The following ARHGAP42 variants were observed in gnomAD, a reference collection of about 807,000 sequenced individuals.
ARHGAP42 encodes rho GTPase-activating protein 42.
Under a neutral mutation model 125.0 loss-of-function variants are expected in ARHGAP42, and 63 were observed. The observed-to-expected ratio is 0.50, with a 90% CI of 0.41 to 0.62. The LOEUF is 0.62. Among genes scored for constraint, ARHGAP42 ranks in the 20% least tolerant of loss-of-function variants. ARHGAP42 has a pLI of 0.00. For synonymous variants in ARHGAP42, 339 were observed against 351.0 expected, an observed-to-expected ratio of 0.97 and a Z score of 0.38; for missense variants, 766 against 1,024.2, an observed-to-expected ratio of 0.75 and a Z score of 3.44.
At chr11:100,948,326 C>T in intron 10 of ARHGAP42, 131 bp from the exon 11 acceptor site, 28 of 653,520 alleles carry the variant, frequency 4.3e-5, no homozygotes, top group South Asian at 2.1e-4. Flanking sequence ...AGAAAAATTC[C>T]TATGTTTTTC....
chr11:100,845,710 G>A (rs1359871193), intron 3 of ARHGAP42, among the ~76,000 whole-genome samples: 1 of 152,124 alleles, frequency 6.6e-6, no homozygotes, highest in Admixed American at 6.6e-5. Context: ...CCACTTCACA[G>A]CATTACATAG....
chr11:100,740,292 T>A (rs1008336573), intron 1 of ARHGAP42, among the ~76,000 whole-genome samples: 7 of 152,128 alleles, frequency 4.6e-5, no homozygotes, highest in African/African-American at 1.7e-4. Flanking sequence ...ACCCTCAGTT[T>A]TTTTTCCTTT....
At chr11:100,724,528 G>T (rs540466220) in intron 1 of ARHGAP42, among the ~76,000 whole-genome samples, 1 of 151,944 alleles carries the variant, frequency 6.6e-6, no homozygotes, top group Non-Finnish European at 1.5e-5. Flanking sequence ...CTACTTGGGT[G>T]AATTTTGAAA....
At chr11:100,763,261 G>A (rs1304893575) in intron 1 of ARHGAP42, among the ~76,000 whole-genome samples, 1 of 151,960 alleles carries the variant, frequency 6.6e-6, no homozygotes, top group Non-Finnish European at 1.5e-5. Flanking sequence ...GATTATGGAC[G>A]TGAGCCACTA....
intron 3 of ARHGAP42, among the ~76,000 whole-genome samples, chr11:100,800,443 G>A (rs1342809450): frequency 6.6e-6 from 1 of 152,142 alleles, no homozygotes; most frequent in Admixed American, 6.5e-5. Context: ...CTGGGAGACA[G>A]GCCTTAGGAA....
intron 3 of ARHGAP42, among the ~76,000 whole-genome samples, chr11:100,813,014 A>T (rs1170110035): frequency 1.3e-5 from 2 of 152,242 alleles, no homozygotes; most frequent in African/African-American, 2.4e-5. Flanking sequence ...TACTTAAAAG[A>T]CAATGATAAT....
intron 4 of ARHGAP42, among the ~76,000 whole-genome samples, chr11:100,866,871 G>A (rs905494907): frequency 6.6e-6 from 1 of 152,146 alleles, no homozygotes; most frequent in Non-Finnish European, 1.5e-5. Context: ...AGACTTGAAA[G>A]TCAAAATTAC....
chr11:100,889,150 G>T (rs566153988), intron 4 of ARHGAP42, among the ~76,000 whole-genome samples: 2 of 152,290 alleles, frequency 1.3e-5, no homozygotes, highest in South Asian at 4.1e-4. Flanking sequence ...TCACTAAAGT[G>T]ATTGTGCTGG....
chr11:100,815,746 TC>T, intron 3 of ARHGAP42, among the ~76,000 whole-genome samples: 1 of 152,254 alleles, frequency 6.6e-6, no homozygotes, highest in East Asian at 1.9e-4. Context: ...GCTACCAATC[TC>T]TAGAACTTGT....
intron 1 of ARHGAP42, among the ~76,000 whole-genome samples, chr11:100,688,788 C>T (rs2120159314): frequency 6.6e-6 from 1 of 152,204 alleles, no homozygotes; most frequent in East Asian, 1.9e-4. Context: ...AAAGTATTTG[C>T]ATCTTAATAG....
chr11:100,838,125 G>A (rs143310539), intron 3 of ARHGAP42, among the ~76,000 whole-genome samples: 85 of 151,686 alleles, frequency 5.6e-4, no homozygotes, highest in African/African-American at 1.5e-3. Context: ...GAAAAGTTTG[G>A]GCTAGTTATT....
intron 3 of ARHGAP42, among the ~76,000 whole-genome samples, chr11:100,857,849 A>G (rs917097450): frequency 6.6e-6 from 1 of 151,992 alleles, no homozygotes; most frequent in African/African-American, 2.4e-5. Context: ...GTTCCTTATC[A>G]CTTCAGATTT....
In ARHGAP42 at chr11:100,815,937, T is replaced by TA. The variant is rs555590273; in HGVS notation, c.312+20773dup. On this transcript the variant is annotated intron_variant, in intron 3 of 23. Coordinates refer to ENST00000298815, the MANE Select transcript of ARHGAP42 (RefSeq NM_152432.4). ...TGTGACTAGCTTTTTTCAGTTCACA[T>TA]AATGTCCTCAAGATTCATTCATGTT... is the stretch of plus-strand genomic sequence containing the variant. Among the ~76,000 whole-genome samples the TA allele has an allele frequency of 9.3e-4, 141 of 152,328 alleles. 1 individual carries two copies. The highest frequency in any genetic ancestry group is 3.3e-3 in the African/African-American group (136 of 41,576).
Position 100,992,437 on chromosome 11 carries a change from A to T in ARHGAP42, c.*3636A>T. On this transcript the variant is annotated 3_prime_UTR_variant, in exon 24 of 24. Transcript: ENST00000298815. The stretch of plus-strand genomic sequence containing the variant: ...CTAAAGGTTTCCCCTTAGGGTACAC[A>T]TTGCTATTTAACTTTGCCTCCTACC... 1 of 1,614,120 alleles carries T rather than the reference A, an allele frequency of 6.2e-7. No homozygotes were observed. Among genetic ancestry groups the T allele is most frequent in the Non-Finnish European group, 8.5e-7 (1 of 1,179,972 alleles).
chr11:100,801,504 T>C (rs753362483), intron 3 of ARHGAP42, among the ~76,000 whole-genome samples: 3 of 152,220 alleles, frequency 2.0e-5, no homozygotes, highest in Non-Finnish European at 4.4e-5. Flanking sequence ...CTTGGTAGTT[T>C]AATGACTATT....
At chr11:100,688,995 C>T (rs1214120853) in intron 1 of ARHGAP42, among the ~76,000 whole-genome samples, 3 of 152,118 alleles carry the variant, frequency 2.0e-5, no homozygotes, top group South Asian at 2.1e-4. Flanking sequence ...ATACTAGTAT[C>T]GGATCTATAT....
chr11:100,918,791 A>G (rs1263539513), intron 5 of ARHGAP42, among the ~76,000 whole-genome samples: 3 of 152,314 alleles, frequency 2.0e-5, no homozygotes, highest in Non-Finnish European at 2.9e-5. Flanking sequence ...GGAGGCTATG[A>G]AAACACCTAT....
intron 3 of ARHGAP42, among the ~76,000 whole-genome samples, chr11:100,843,710 G>GA (rs1042712867): frequency 1.5e-4 from 23 of 149,368 alleles, no homozygotes; most frequent in African/African-American, 3.4e-4. Flanking sequence ...ACAATAGCAG[G>GA]AAAAAAAAAT....
At position 100,766,402 on chromosome 11, in the gene ARHGAP42, A is replaced by G. The variant is rs150669677; in HGVS notation, c.155-3941A>G. On this transcript the variant is annotated intron_variant, in intron 1 of 23. Coordinates refer to ENST00000298815, the MANE Select transcript of ARHGAP42 (RefSeq NM_152432.4). ...TAAGAGAAAAAGTTGACTCTTTAGTATGATATTTTAACACTCAACAACAAA... is the reference window on the plus strand; with the variant it reads ...TAAGAGAAAAAGTTGACTCTTTAGTGTGATATTTTAACACTCAACAACAAA... Among the ~76,000 whole-genome samples, 16 of 152,336 alleles carry G rather than the reference A, an allele frequency of 1.1e-4. No homozygotes were observed. The East Asian group carries it at 2.9e-3, about 28-fold the overall frequency.
Sources: allele counts gnomAD v4.1 joint callset (sites outside exome capture counted in the v4.1 genomes callset), GRCh38; gene constraint gnomAD v4.1.1; transcripts MANE v1.5; gene names NCBI Gene and HGNC (gene_info 2026-07-23, HGNC 2026-07-21).